The following MALRD1 variants were observed in gnomAD, a reference collection of about 807,000 sequenced individuals.
MALRD1 encodes the protein MAM and LDL receptor class A domain containing 1.
MALRD1 carries 247 observed loss-of-function variants against 242.1 expected under a neutral mutation model. The ratio of observed to expected loss-of-function variants is 1.02; its 90% CI spans 0.92 to 1.13. MALRD1 has a LOEUF of 1.13. MALRD1 is among the 50% of genes most tolerant of loss of function. The pLI, the probability that MALRD1 is intolerant of heterozygous loss-of-function variation, is 0.00. For synonymous variants in MALRD1, 995 were observed against 866.6 expected, an observed-to-expected ratio of 1.15 and a Z score of -2.60; for missense variants, 2,989 against 2,533.1, an observed-to-expected ratio of 1.18 and a Z score of -3.86.
chr10:19,121,494 T>C (rs79468929), intron 5 of MALRD1, among the ~76,000 whole-genome samples: 1 of 152,088 alleles, frequency 6.6e-6, no homozygotes, highest in Non-Finnish European at 1.5e-5. Flanking sequence ...AGGCAGAACT[T>C]TGAGAAGTTA....
chr10:19,729,718 ATTCTTTTTTTT>A (rs1835200854), intron 38 of MALRD1, among the ~76,000 whole-genome samples: 1 of 98,976 alleles, frequency 1.0e-5, no homozygotes, highest in Non-Finnish European at 2.0e-5. Flanking sequence ...AAGTCTATTA[ATTCTTTTTTTT>A]TTTTTTTTTT....
Position 19,715,235 on chromosome 10 carries a change from A to G in MALRD1, c.6315-15471A>G, listed in dbSNP as rs116866145. On this transcript the variant is annotated intron_variant, in intron 38 of 39. Transcript: ENST00000454679. The stretch of plus-strand genomic sequence containing the variant: ...ACCTTTAAAACTTATTGAAGACCCC[A>G]AAGACTTTTCTTAAGGTGGGTTATA... Among the ~76,000 whole-genome samples, 364 of 152,178 alleles carry G rather than the reference A, an allele frequency of 2.4e-3. 10 individuals are homozygous for G. The East Asian group carries it at 0.052, about 22-fold the overall frequency.
intron 35 of MALRD1, among the ~76,000 whole-genome samples, chr10:19,611,069 G>A (rs1298184786): frequency 6.6e-6 from 1 of 151,926 alleles, no homozygotes; most frequent in East Asian, 1.9e-4. Context: ...ATAGAAAGAT[G>A]ATTGAGAACA....
intron 7 of MALRD1, among the ~76,000 whole-genome samples, chr10:19,127,161 T>C (rs1837308496): frequency 6.6e-6 from 1 of 152,230 alleles, no homozygotes; most frequent in African/African-American, 2.4e-5. Context: ...CTATCATTGA[T>C]GGGCATTTGG....
chr10:19,418,164 T>C (rs1197126451), intron 28 of MALRD1, among the ~76,000 whole-genome samples: 2 of 152,048 alleles, frequency 1.3e-5, no homozygotes, highest in African/African-American at 2.4e-5. Context: ...TATCTATCTA[T>C]AGATATAGAT....
chr10:19,293,855 C>G (rs1470127218), intron 21 of MALRD1, among the ~76,000 whole-genome samples: 1 of 152,150 alleles, frequency 6.6e-6, no homozygotes, highest in Non-Finnish European at 1.5e-5. Flanking sequence ...ATCCCCGTTA[C>G]ATGAATTTTA....
chr10:19,733,100 A>G (rs1202522435), intron 39 of MALRD1, among the ~76,000 whole-genome samples: 3 of 152,244 alleles, frequency 2.0e-5, no homozygotes, highest in African/African-American at 7.2e-5. Context: ...GACTTCTCTA[A>G]GTCTATCTTT....
rs1491294430 is a variant in MALRD1, at chr10:19,530,429, AAT to A, written c.5321-757_5321-756del. Among the ~76,000 whole-genome samples, 107 of 19,600 alleles carry A rather than the reference AAT, an allele frequency of 5.5e-3. 2 individuals carry two copies. Among genetic ancestry groups the A allele is most frequent in the African/African-American group, 7.4e-3 (101 of 13,580 alleles). The allele number at this position is 19,600 out of a possible 152,430, so 12.9% of individuals were successfully genotyped here. A position where few individuals can be genotyped will look rare whatever the true frequency, so the allele number is the denominator to read the frequency against. ...TATATTTATATAATAATAAATATAT[AAT>A]ATATATAATATATAATATATAATAT... On this transcript the variant is annotated intron_variant, in intron 31 of 39. Transcript: ENST00000454679.
chr10:19,627,860 A>G (rs1439046758), intron 36 of MALRD1, among the ~76,000 whole-genome samples: 1 of 152,054 alleles, frequency 6.6e-6, no homozygotes, highest in East Asian at 1.9e-4. Context: ...ATTAGTCATA[A>G]TATATACTCA....
intron 33 of MALRD1, among the ~76,000 whole-genome samples, chr10:19,571,341 A>G (rs1450297144): frequency 6.6e-6 from 1 of 152,144 alleles, no homozygotes; most frequent in East Asian, 1.9e-4. Context: ...ATAGCAGCCA[A>G]CGAAGTCAGA....
chr10:19,341,510 A>ATGTGTGTATATAT, intron 24 of MALRD1, among the ~76,000 whole-genome samples: 1 of 142,678 alleles, frequency 7.0e-6, no homozygotes, highest in South Asian at 2.2e-4. Context: ...ATGTATATAT[A>ATGTGTGTATATAT]TGTGTGTATA....
chr10:19,262,295 A>G (rs892948887), intron 19 of MALRD1, among the ~76,000 whole-genome samples: 8 of 152,180 alleles, frequency 5.3e-5, no homozygotes, highest in African/African-American at 1.9e-4. Flanking sequence ...AGTTAGCACA[A>G]TCAAACTATT....
At chr10:19,292,892 CAA>C (rs57002523) in intron 21 of MALRD1, among the ~76,000 whole-genome samples, 1,106 of 72,778 alleles carry the variant, frequency 0.015, 6 homozygotes, top group Non-Finnish European at 0.02. Context: ...GACTCTGCCT[CAA>C]AAAAAAAAAA....
chr10:19,711,554 G>T (rs1275273167), intron 38 of MALRD1, among the ~76,000 whole-genome samples: 2 of 152,208 alleles, frequency 1.3e-5, no homozygotes, highest in Non-Finnish European at 2.9e-5. Context: ...TGAAGGTAAT[G>T]ATAATATGGA....
At chr10:19,066,410 G>T (rs1337412547) in intron 1 of MALRD1, among the ~76,000 whole-genome samples, 1 of 152,150 alleles carries the variant, frequency 6.6e-6, no homozygotes, top group Non-Finnish European at 1.5e-5. Flanking sequence ...GAAAAGGCTT[G>T]CTATGGTTGA....
chr10:19,297,448 A>G (rs1034663681), intron 21 of MALRD1, among the ~76,000 whole-genome samples: 2 of 151,982 alleles, frequency 1.3e-5, no homozygotes, highest in African/African-American at 4.8e-5. Flanking sequence ...GCACGACGGT[A>G]AGAGTAGTGC....
intron 31 of MALRD1, among the ~76,000 whole-genome samples, chr10:19,530,430 A>AT (rs1564417514): frequency 4.9e-5 from 1 of 20,532 alleles, no homozygotes; most frequent in Admixed American, 1.0e-3. Context: ...TAAATATATA[A>AT]TATATATAAT....
intron 32 of MALRD1, among the ~76,000 whole-genome samples, chr10:19,559,687 A>G (rs1185214707): frequency 4.6e-5 from 7 of 152,172 alleles, no homozygotes; most frequent in Admixed American, 1.3e-4. Context: ...AGAAACTATT[A>G]TCAGAGTGAA....
intron 14 of MALRD1, among the ~76,000 whole-genome samples, chr10:19,191,322 AC>A (rs1464600632): frequency 1.3e-5 from 2 of 152,150 alleles, no homozygotes; most frequent in African/African-American, 4.8e-5. Context: ...ACAAAACCAA[AC>A]AAAAAACCAA....
Sources: gnomAD v4.1 joint callset for allele counts (sites outside exome capture counted in the v4.1 genomes callset) on GRCh38, gnomAD v4.1.1 for gene constraint, MANE v1.5 for transcripts, NCBI Gene and HGNC (gene_info 2026-07-23, HGNC 2026-07-21) for gene names.